The following ARID1B variants were observed in gnomAD, a reference collection of about 807,000 sequenced individuals.
ARID1B encodes the protein AT-rich interaction domain 1B.
A neutral mutation model predicts 212.3 loss-of-function variants in ARID1B; 30 were observed. The observed-to-expected ratio is 0.14, with a 90% CI of 0.11 to 0.19. The LOEUF is 0.19. Ranked by LOEUF, ARID1B falls within the 10% of genes least tolerant of loss-of-function variation. The pLI is 1.00. For missense variants in ARID1B, 2,891 were observed against 3,204.0 expected (o/e 0.90, Z 2.36); for synonymous variants, 1,402 against 1,301.7 (o/e 1.08, Z -1.66).
chr6:156,778,084 C>T lies in ARID1B; in HGVS notation c.404C>T (p.Ser135Leu), dbSNP rs537376978. The change falls in exon 1 of 20, where the codon TCG becomes TTG. Residue 135 changes from serine (S) to leucine (L), a missense_variant. Transcript: ENST00000636930. The stretch of plus-strand genomic sequence containing the variant: ...GCAGCGGCGGCATCCTCTTCCTCCT[C>T]GTCGGGCCCGGGCTCGGCCATGGAG... ...AAAAAASSSS[S>L]SGPGSAMETG... 1.3e-6 allele frequency: 2 copies of T among 1,540,036 alleles called. No homozygotes were observed. Among genetic ancestry groups the T allele is most frequent in the South Asian group, 1.2e-5 (1 of 83,982 alleles).
chr6:156,936,800 A>C (rs1291973144), intron 4 of ARID1B: 1 of 152,066 alleles, frequency 6.6e-6, no homozygotes, highest in Non-Finnish European at 1.5e-5. Context: ...TTTTAATTGG[A>C]ATTTCAACTA....
chr6:157,205,129 C>T (rs996806044), intron 19 of ARID1B: 1 of 152,186 alleles, frequency 6.6e-6, no homozygotes, highest in African/African-American at 2.4e-5. Flanking sequence ...TTAACTTTCC[C>T]TTTTCCCCTG....
At chr6:156,836,526 T>G (rs1783524824) in intron 2 of ARID1B, among the ~76,000 whole-genome samples, 1 of 152,218 alleles carries the variant, frequency 6.6e-6, no homozygotes, top group African/African-American at 2.4e-5. Flanking sequence ...TGTTAAAGTC[T>G]AATCTGTGTG....
intron 1 of ARID1B, among the ~76,000 whole-genome samples, chr6:156,817,589 T>C (rs1489710425): frequency 6.6e-6 from 1 of 151,854 alleles, no homozygotes; most frequent in Non-Finnish European, 1.5e-5. Context: ...ATTGCACCAC[T>C]GCACTCCAGC....
At chr6:156,997,980 C>T (rs1778693661) in intron 4 of ARID1B, among the ~76,000 whole-genome samples, 1 of 152,060 alleles carries the variant, frequency 6.6e-6, no homozygotes, top group Non-Finnish European at 1.5e-5. Context: ...TCTTATGGGA[C>T]AATAATATGG....
chr6:156,893,045 C>CTTTTTTTTTTTT lies in ARID1B; in HGVS notation c.1987-8327_1987-8316dup, dbSNP rs567719662. 2.8e-3 allele frequency among the ~76,000 whole-genome samples: 239 copies of CTTTTTTTTTTTT among 85,888 alleles called. 18 individuals are homozygous for CTTTTTTTTTTTT. Among genetic ancestry groups the CTTTTTTTTTTTT allele is most frequent in the African/African-American group, 0.011 (225 of 21,292 alleles). 56.3% of individuals were successfully genotyped at this position (85,888 alleles called of 152,430 possible). On this transcript the variant is annotated intron_variant, in intron 2 of 19. Transcript: ENST00000636930. ...AACTCTTTTTTTTTCTTTTTTCTTC[C>CTTTTTTTTTTTT]TTTTTTTTTTTTTTTGAGATGGAGT...
chr6:156,788,481 T>A (rs1443528783), intron 1 of ARID1B, among the ~76,000 whole-genome samples: 1 of 152,228 alleles, frequency 6.6e-6, no homozygotes, highest in African/African-American at 2.4e-5. Flanking sequence ...TCCTCTGTTA[T>A]ACTTCCTAAA....
chr6:156,795,717 C>T lies in ARID1B; in HGVS notation c.1791+16246C>T, dbSNP rs867768021. Among the ~76,000 whole-genome samples the T allele has an allele frequency of 2.6e-5, 4 of 152,264 alleles. No homozygotes were observed. The Middle Eastern group carries it at 0.01, about 388-fold the overall frequency. On this transcript the variant is annotated intron_variant, in intron 1 of 19. Coordinates refer to ENST00000636930, the MANE Select transcript of ARID1B (RefSeq NM_001374828.1). ...CTCCCTCCCCAGGCTGCCCAGGCCT[C>T]CTCAGGTGTGGGAGGGCTCCCGAGA... is the stretch of plus-strand genomic sequence containing the variant.
intron 7 of ARID1B, among the ~76,000 whole-genome samples, chr6:157,144,119 G>A (rs577656013): frequency 6.6e-5 from 10 of 152,366 alleles, no homozygotes; most frequent in African/African-American, 2.4e-4. Context: ...ATGAGTGAGA[G>A]ATGGAGGTAG....
At chr6:156,978,725 G>A (rs1777416876) in intron 4 of ARID1B, among the ~76,000 whole-genome samples, 1 of 152,126 alleles carries the variant, frequency 6.6e-6, no homozygotes, top group Non-Finnish European at 1.5e-5. Flanking sequence ...ATCTTTGTTA[G>A]TATGATTCAA....
chr6:157,018,232 T>TTCA (rs1780027189), intron 4 of ARID1B, among the ~76,000 whole-genome samples: 1 of 145,782 alleles, frequency 6.9e-6, no homozygotes, highest in Non-Finnish European at 1.5e-5. Context: ...TTTTTTTTTT[T>TTCA]TTGAGATACA....
chr6:156,917,809 C>T (rs932183294), intron 3 of ARID1B, among the ~76,000 whole-genome samples: 3 of 152,162 alleles, frequency 2.0e-5, no homozygotes, highest in African/African-American at 7.2e-5. Context: ...TAACTTCTAG[C>T]AGTAGATCAC....
At position 156,913,725 on chromosome 6, in the gene ARID1B, A is replaced by G. The variant is rs147460111; in HGVS notation, c.2136+12200A>G. Among the ~76,000 whole-genome samples, 606 of 110,124 alleles carry G rather than the reference A, an allele frequency of 5.5e-3. 2 individuals are homozygous for G. Among genetic ancestry groups the G allele is most frequent in the Non-Finnish European group, 7.5e-3 (404 of 54,192 alleles). The allele number at this position is 110,124 out of a possible 152,430, so 72.2% of individuals were successfully genotyped here. On this transcript the variant is annotated intron_variant, in intron 3 of 19. Transcript: ENST00000636930. The stretch of plus-strand genomic sequence containing the variant: ...CCAGCCCGTGAGCCACCATCCTACT[A>G]TCCACTTCCCAACTCCCAGCCCATG...
intron 5 of ARID1B, 107 bp from the exon 6 acceptor site, chr6:157,110,365 C>A: frequency 2.2e-6 from 2 of 915,064 alleles, no homozygotes; most frequent in Non-Finnish European, 3.6e-6. Flanking sequence ...TGGGGCTATA[C>A]CTTTTGTGAT....
At position 156,778,952 on chromosome 6, in the gene ARID1B, G is replaced by GGCGGCC. The variant is rs1162096001; in HGVS notation, c.1278_1283dup (p.Ala432_Ala433dup). ...GAGCAGGAGCGGGAGCTGTGGCGGC[G>GGCGGCC]GCGGCCGCGGCGGCGGCGGCAGCAG... On this transcript the variant is annotated inframe_insertion, in exon 1 of 20. Transcript: ENST00000636930. 1.2e-5 allele frequency: 15 copies of GGCGGCC among 1,288,504 alleles called. No individual in the cohort carries two copies. In the Admixed American group the frequency reaches 2.1e-4, roughly 18 times the overall value. The allele number at this position is 1,288,504 out of a possible 1,614,324, so 79.8% of individuals were successfully genotyped here. A position where few individuals can be genotyped will look rare whatever the true frequency, so the allele number is the denominator to read the frequency against.
intron 4 of ARID1B, chr6:156,938,700 T>C (rs1222664038): frequency 6.6e-6 from 1 of 152,234 alleles, no homozygotes; most frequent in East Asian, 1.9e-4. Context: ...GTATCCTAAG[T>C]AGATTTTTCT....
intron 4 of ARID1B, among the ~76,000 whole-genome samples, chr6:156,980,813 C>G (rs939997237): frequency 1.1e-4 from 16 of 152,158 alleles, no homozygotes; most frequent in African/African-American, 3.6e-4. Flanking sequence ...AGATTTCAGC[C>G]TGAGGCAGTG....
chr6:156,959,621 A>G (rs1349626038), intron 4 of ARID1B, among the ~76,000 whole-genome samples: 1 of 152,310 alleles, frequency 6.6e-6, no homozygotes, highest in Admixed American at 6.5e-5. Flanking sequence ...TATTATTAAA[A>G]TATTTTTAAT....
At chr6:157,181,705 C>T (rs1482538187) in intron 12 of ARID1B, among the ~76,000 whole-genome samples, 2 of 152,138 alleles carry the variant, frequency 1.3e-5, no homozygotes, top group Non-Finnish European at 2.9e-5. Flanking sequence ...GGGGAGCTGC[C>T]TGGGGTGCAG....
Sources: allele counts gnomAD v4.1 joint callset (sites outside exome capture counted in the v4.1 genomes callset), GRCh38; gene constraint gnomAD v4.1.1; transcripts MANE v1.5; gene names NCBI Gene and HGNC (gene_info 2026-07-23, HGNC 2026-07-21).